The following LDHB variants were observed in gnomAD, a reference collection of about 807,000 sequenced individuals.
The protein encoded by LDHB is lactate dehydrogenase B.
A neutral mutation model predicts 33.4 loss-of-function variants in LDHB; 18 were observed. That is an observed-to-expected ratio of 0.54 (90% CI 0.37 to 0.80). The LOEUF (loss-of-function observed/expected upper bound fraction) is 0.80. Among genes scored for constraint, LDHB ranks in the 30% least tolerant of loss-of-function variants. The pLI is 0.00. For synonymous variants in LDHB, 121 were observed against 140.6 expected (o/e 0.86, Z 0.98); for missense variants, 345 against 407.9 (o/e 0.85, Z 1.33).
At chr12:21,655,737 A>AC (rs1938826300) in intron 1 of LDHB, among the ~76,000 whole-genome samples, 1 of 152,110 alleles carries the variant, frequency 6.6e-6, no homozygotes, top group African/African-American at 2.4e-5. Flanking sequence ...ATGTAAAAAA[A>AC]AAAACAAAAC....
chr12:21,641,258 ATTG>A (rs1375281721), intron 5 of LDHB, among the ~76,000 whole-genome samples: 2 of 152,172 alleles, frequency 1.3e-5, no homozygotes, highest in Non-Finnish European at 2.9e-5. Flanking sequence ...AGTGTCACCA[ATTG>A]TTGGCCACAC....
chr12:21,644,424 C>CAAAAAAAAAAAAAAA (rs72491634), intron 3 of LDHB, among the ~76,000 whole-genome samples: 1 of 15,272 alleles, frequency 6.5e-5, no homozygotes, highest in Non-Finnish European at 2.0e-4. Flanking sequence ...AGGTAGACAT[C>CAAAAAAAAAAAAAAA]AAAAAAAAAA....
chr12:21,646,938 TC>T lies in LDHB; in HGVS notation c.207del (p.Ser70AlafsTer17). The T allele has an allele frequency of 6.2e-7, 1 of 1,613,048 alleles. No individual in the cohort carries two copies. Among genetic ancestry groups the T allele is most frequent in the Non-Finnish European group, 8.5e-7 (1 of 1,179,122 alleles). On this transcript the variant is annotated frameshift_variant, in exon 3 of 8. Transcript: ENST00000350669. LOFTEE classifies it high-confidence loss of function. ...LKGEMMDLQHGSLFLQTPKIV... is the reference protein window; with the variant it reads ...LKGEMMDLQHXSLFLQTPKIV... Reference sequence around the variant, plus strand: ...ATTTTAGGTGTCTGAAGAAATAAGCTCCCATGCTGCAGATCCATCATTTCTC... The same window carrying T: ...ATTTTAGGTGTCTGAAGAAATAAGCTCCATGCTGCAGATCCATCATTTCTC...
In LDHB at chr12:21,642,145, T is replaced by C. The variant is rs1322407074; in HGVS notation, c.422-20A>G. The C allele has an allele frequency of 3.8e-6, 6 of 1,599,054 alleles. No individual in the cohort carries two copies. The highest frequency in any genetic ancestry group is 3.4e-6 in the Non-Finnish European group (4 of 1,166,624). ...TGTCCACTAAAAATTTTGGAAATAATATATGTAAGTAAACCAAAACCAACT... is the reference window on the plus strand; with the variant it reads ...TGTCCACTAAAAATTTTGGAAATAACATATGTAAGTAAACCAAAACCAACT... On this transcript the variant is annotated intron_variant, in intron 4 of 7. Coordinates refer to ENST00000350669, the MANE Select transcript of LDHB (RefSeq NM_002300.8).
chr12:21,648,554 A>T (rs1273386235), intron 2 of LDHB, among the ~76,000 whole-genome samples: 1 of 151,400 alleles, frequency 6.6e-6, no homozygotes, highest in East Asian at 1.9e-4. Flanking sequence ...GGGGCCAGGT[A>T]GGTAGGTAAC....
At chr12:21,641,381 C>T (rs1171519106) in intron 5 of LDHB, among the ~76,000 whole-genome samples, 1 of 152,058 alleles carries the variant, frequency 6.6e-6, no homozygotes, top group African/African-American at 2.4e-5. Flanking sequence ...AACAATCAGA[C>T]AAGTCTAAAA....
At chr12:21,650,152 G>GTATATATA (rs1565629932) in intron 2 of LDHB, among the ~76,000 whole-genome samples, 1 of 44,076 alleles carries the variant, frequency 2.3e-5, no homozygotes, top group African/African-American at 6.0e-5. Context: ...ACACACACAC[G>GTATATATA]TCTCTCTCTC....
chr12:21,648,448 C>T (rs2136975549), intron 2 of LDHB, among the ~76,000 whole-genome samples: 1 of 151,984 alleles, frequency 6.6e-6, no homozygotes, highest in Middle Eastern at 3.4e-3. Flanking sequence ...AAAAAATCTG[C>T]CTGTAAGTGA....
chr12:21,644,053 C>A lies in LDHB; in HGVS notation c.303G>T (p.Gln101His). The change falls in exon 4 of 8, where the codon CAG becomes CAT. Residue 101 changes from glutamine to histidine, a missense_variant. By Grantham distance (24) the Gln-to-His change is conservative (BLOSUM62 0). Coordinates refer to ENST00000350669, the MANE Select transcript of LDHB (RefSeq NM_002300.8). ...GATTGAGCCGACTCTCCCCTTCTTG[C>A]TGACGGACTCCTGCAGTTACCACTA... ...KIVVVTAGVR[Q>H]QEGESRLNLV... The A allele has an allele frequency of 6.2e-7, 1 of 1,613,308 alleles. No homozygotes were observed.
intron 2 of LDHB, among the ~76,000 whole-genome samples, chr12:21,651,483 T>C (rs1938688003): frequency 6.6e-6 from 1 of 152,198 alleles, no homozygotes; most frequent in Non-Finnish European, 1.5e-5. Flanking sequence ...GGCTAATGCA[T>C]GTCCCTCCTC....
intron 2 of LDHB, among the ~76,000 whole-genome samples, chr12:21,650,543 G>A (rs978482314): frequency 6.6e-6 from 1 of 152,148 alleles, no homozygotes; most frequent in African/African-American, 2.4e-5. Flanking sequence ...TAGAAGCTAA[G>A]GATTTATGAT....
chr12:21,644,534 C>A (rs551655012), intron 3 of LDHB, among the ~76,000 whole-genome samples: 1 of 150,866 alleles, frequency 6.6e-6, no homozygotes, highest in Admixed American at 6.6e-5. Flanking sequence ...TTGGTTTTGT[C>A]TGGAAACTAA....
intron 6 of LDHB, 72 bp downstream of exon 6, chr12:21,638,280 AT>A: frequency 1.2e-6 from 1 of 862,058 alleles, no homozygotes; most frequent in Non-Finnish European, 2.0e-6. Flanking sequence ...GCAGACAGCC[AT>A]GGAAAATGTT....
intron 6 of LDHB, among the ~76,000 whole-genome samples, 165 bp downstream of exon 6, chr12:21,638,188 A>C (rs372734873): frequency 6.6e-6 from 1 of 152,064 alleles, no homozygotes; most frequent in South Asian, 2.1e-4. Flanking sequence ...GGAGACTGGC[A>C]TAGCAAGTTT....
chr12:21,650,460 T>G (rs1938656847), intron 2 of LDHB, among the ~76,000 whole-genome samples: 1 of 152,218 alleles, frequency 6.6e-6, no homozygotes, highest in South Asian at 2.1e-4. Context: ...CTTTGTTATA[T>G]ACTGTGTTTG....
At chr12:21,646,630 T>TA (rs1938533886) in intron 3 of LDHB, among the ~76,000 whole-genome samples, 1 of 152,124 alleles carries the variant, frequency 6.6e-6, no homozygotes, top group Non-Finnish European at 1.5e-5. Context: ...ATTTGAGAAA[T>TA]AAAAAGTAGA....
rs71053332 is a variant in LDHB, at chr12:21,638,476, TAAAA to T, written c.596-10_596-7del. The T allele has an allele frequency of 2.1e-4, 235 of 1,096,038 alleles. No homozygotes were observed. The highest frequency in any genetic ancestry group is 2.7e-4 in the Non-Finnish European group (200 of 742,774). 67.9% of individuals were successfully genotyped at this position (1,096,038 alleles called of 1,614,324 possible). A position where few individuals can be genotyped will look rare whatever the true frequency, so the allele number is the denominator to read the frequency against. On this transcript the variant is annotated splice_region_variant and splice_polypyrimidine_tract_variant and intron_variant, in intron 5 of 7. Transcript: ENST00000350669. ...CACACCACTCCACACAGCCACTGTT[TAAAA>T]AAAAAAAAAAAGACATTGCAGTTAT...
intron 1 of LDHB, 119 bp from the exon 2 acceptor site, chr12:21,654,796 T>C: frequency 1.2e-6 from 1 of 848,486 alleles, no homozygotes; most frequent in East Asian, 2.5e-5. Flanking sequence ...ATGAGCCTAA[T>C]GATATTCTAG....
chr12:21,652,942 G>T (rs1938736288), intron 2 of LDHB, among the ~76,000 whole-genome samples: 2 of 151,780 alleles, frequency 1.3e-5, no homozygotes, highest in Admixed American at 6.5e-5. Flanking sequence ...TTTGAAAAAA[G>T]ACATGGCTTG....
Sources: gnomAD v4.1 joint callset for allele counts (sites outside exome capture counted in the v4.1 genomes callset) on GRCh38, gnomAD v4.1.1 for gene constraint, MANE v1.5 for transcripts, NCBI Gene and HGNC (gene_info 2026-07-23, HGNC 2026-07-21) for gene names.